Variants in WWOX observed in about 807,000 individuals in gnomAD.
The protein encoded by WWOX is WW domain containing oxidoreductase.
In WWOX, 69 loss-of-function variants were observed where a neutral mutation model predicts 46.2. The ratio of observed to expected loss-of-function variants is 1.49; its 90% CI spans 1.23 to 1.82. The LOEUF (loss-of-function observed/expected upper bound fraction) is 1.82. WWOX is among the 40% of genes most tolerant of loss of function. WWOX has a pLI of 0.00. For synonymous variants in WWOX, 359 were observed against 202.6 expected (o/e 1.77, Z -6.56); for missense variants, 919 against 542.6 (o/e 1.69, Z -6.89).
intron 5 of WWOX, among the ~76,000 whole-genome samples, chr16:78,307,797 G>T (rs2080161660): frequency 6.6e-6 from 1 of 152,114 alleles, no homozygotes; most frequent in East Asian, 1.9e-4. Flanking sequence ...TTTGCAGATT[G>T]CTGCCCTCCT....
At chr16:78,539,983 A>ATC (rs1335295060) in intron 8 of WWOX, among the ~76,000 whole-genome samples, 9 of 143,918 alleles carry the variant, frequency 6.3e-5, no homozygotes, top group Non-Finnish European at 9.1e-5. Context: ...TTTCCAATAC[A>ATC]TCTCTCTCTC....
At chr16:78,927,090 C>T (rs2045515733) in intron 8 of WWOX, among the ~76,000 whole-genome samples, 2 of 152,196 alleles carry the variant, frequency 1.3e-5, no homozygotes, top group African/African-American at 4.8e-5. Context: ...GCCACCATGC[C>T]CTGCCCAGGC....
intron 8 of WWOX, among the ~76,000 whole-genome samples, chr16:79,002,909 G>C (rs62038700): frequency 6.6e-6 from 1 of 152,184 alleles, no homozygotes. Flanking sequence ...CCTGTACTCC[G>C]TAATGCAGAA....
At chr16:78,455,400 G>A (rs528789258) in intron 8 of WWOX, among the ~76,000 whole-genome samples, 1 of 152,014 alleles carries the variant, frequency 6.6e-6, no homozygotes, top group South Asian at 2.1e-4. Context: ...CAGCATTTTG[G>A]GAGGCCAAGG....
intron 8 of WWOX, among the ~76,000 whole-genome samples, chr16:78,685,542 A>C (rs190173089): frequency 2.0e-4 from 30 of 152,358 alleles, no homozygotes; most frequent in Admixed American, 2.0e-3. Flanking sequence ...AATAGCCCCC[A>C]AAATGAAAAT....
intron 8 of WWOX, among the ~76,000 whole-genome samples, chr16:78,538,632 C>G (rs981019517): frequency 6.6e-6 from 1 of 152,166 alleles, no homozygotes; most frequent in African/African-American, 2.4e-5. Context: ...CCTCCAAAGA[C>G]TTTGTGTTTC....
chr16:79,031,432 A>C (rs1296462059), intron 8 of WWOX, among the ~76,000 whole-genome samples: 1 of 85,414 alleles, frequency 1.2e-5, no homozygotes, highest in Non-Finnish European at 2.9e-5. Context: ...AGACATCTTC[A>C]AGTGGGCTGA....
Position 78,626,685 on chromosome 16 carries a change from C to G in WWOX, c.1056+193933C>G, listed in dbSNP as rs74923718. ...TTTGGAGGAGTGTTGCTGTGCCCAG[C>G]TCATGCTTGTGGAGTGGGGATTTAA... On this transcript the variant is annotated intron_variant, in intron 8 of 8. Transcript: ENST00000566780. Among the ~76,000 whole-genome samples the G allele has an allele frequency of 3.9e-3, 599 of 152,226 alleles. 5 individuals are homozygous for G. The highest frequency in any genetic ancestry group is 0.014 in the African/African-American group (579 of 41,536).
At chr16:78,587,459 A>G (rs577156968) in intron 8 of WWOX, among the ~76,000 whole-genome samples, 33 of 152,240 alleles carry the variant, frequency 2.2e-4, no homozygotes, top group Non-Finnish European at 4.1e-4. Context: ...TCATCATCCC[A>G]TTCATAATTG....
At chr16:78,162,309 A>G (rs1158852761) in intron 4 of WWOX, among the ~76,000 whole-genome samples, 1 of 152,032 alleles carries the variant, frequency 6.6e-6, no homozygotes, top group African/African-American at 2.4e-5. Context: ...TCTTGTAGCT[A>G]CTGGTCTCTA....
chr16:78,418,028 A>G (rs79935831), intron 6 of WWOX, among the ~76,000 whole-genome samples: 2,250 of 152,294 alleles, frequency 0.015, 48 homozygotes, highest in East Asian at 0.063. Flanking sequence ...ACGTTTTTCT[A>G]GTTAAAAAAT....
chr16:78,876,383 G>A (rs1348933267), intron 8 of WWOX, among the ~76,000 whole-genome samples: 1 of 151,502 alleles, frequency 6.6e-6, no homozygotes, highest in Non-Finnish European at 1.5e-5. Flanking sequence ...TTGTGAAAAA[G>A]GATGAATTTT....
At chr16:78,678,940 C>G (rs1235313878) in intron 8 of WWOX, among the ~76,000 whole-genome samples, 1 of 152,090 alleles carries the variant, frequency 6.6e-6, no homozygotes, top group Non-Finnish European at 1.5e-5. Context: ...TCAGAGTGGG[C>G]CTGGCATACG....
chr16:78,719,097 C>G (rs749183055), intron 8 of WWOX, among the ~76,000 whole-genome samples: 1 of 152,152 alleles, frequency 6.6e-6, no homozygotes, highest in Non-Finnish European at 1.5e-5. Context: ...CCCCTCATGA[C>G]GCACAACTGG....
At chr16:78,703,839 G>T (rs140233142) in intron 8 of WWOX, among the ~76,000 whole-genome samples, 2 of 151,944 alleles carry the variant, frequency 1.3e-5, no homozygotes, top group Non-Finnish European at 2.9e-5. Flanking sequence ...GCACAGAACT[G>T]GGTATGACAG....
At chr16:78,519,853 T>G (rs1026433323) in intron 8 of WWOX, among the ~76,000 whole-genome samples, 4 of 152,136 alleles carry the variant, frequency 2.6e-5, no homozygotes, top group Admixed American at 6.6e-5. Flanking sequence ...CTGTGAGAAA[T>G]AAATTTGTTA....
chr16:79,177,593 G>T (rs906908543), intron 8 of WWOX, among the ~76,000 whole-genome samples: 6 of 151,980 alleles, frequency 3.9e-5, no homozygotes, highest in Admixed American at 6.5e-5. Context: ...GTGATGGAGT[G>T]GGGGAAAAAA....
intron 8 of WWOX, among the ~76,000 whole-genome samples, chr16:78,499,610 G>T (rs1265181908): frequency 1.3e-5 from 2 of 152,218 alleles, no homozygotes; most frequent in African/African-American, 2.4e-5. Context: ...CCGGCTCTTA[G>T]TGTAGAGCAC....
chr16:78,992,238 C>T (rs376456707), intron 8 of WWOX, among the ~76,000 whole-genome samples: 4 of 152,070 alleles, frequency 2.6e-5, no homozygotes, highest in African/African-American at 7.2e-5. Flanking sequence ...CTTTGGTCAC[C>T]CCTTCTGTAA....
Sources: gnomAD v4.1 joint callset for allele counts (sites outside exome capture counted in the v4.1 genomes callset) on GRCh38, gnomAD v4.1.1 for gene constraint, MANE v1.5 for transcripts, NCBI Gene and HGNC (gene_info 2026-07-23, HGNC 2026-07-21) for gene names.